ZBTB46: variants seen among roughly 807,000 people sequenced by gnomAD.
ZBTB46 encodes zinc finger and BTB domain-containing protein 46.
ZBTB46 carries 8 observed loss-of-function variants against 44.1 expected under a neutral mutation model. The observed-to-expected ratio is 0.18, with a 90% CI of 0.11 to 0.33. ZBTB46 has a LOEUF of 0.33. ZBTB46 is among the 10% of genes least tolerant of loss of function. The probability of loss-of-function intolerance (pLI) is 1.00; values close to 1 mark genes in which losing one functional copy is unlikely to be tolerated. For synonymous variants in ZBTB46, 409 were observed against 382.3 expected (o/e 1.07, Z -0.81); for missense variants, 651 against 847.7 (o/e 0.77, Z 2.88).
intron 3 of ZBTB46, among the ~76,000 whole-genome samples, chr20:63,765,157 G>A (rs916421636): frequency 3.9e-5 from 6 of 151,970 alleles, no homozygotes; most frequent in Admixed American, 3.9e-4. Context: ...CTTGGGGTGG[G>A]GGGCAGTTGT....
chr20:63,830,504 C>G (rs1322955387), intron 1 of ZBTB46, among the ~76,000 whole-genome samples: 3 of 150,342 alleles, frequency 2.0e-5, no homozygotes, highest in South Asian at 4.2e-4. Context: ...GCCCGGCGTC[C>G]GGGGAGACAA....
chr20:63,762,008 T>TA lies in ZBTB46; in HGVS notation c.1223-9148_1223-9147insT, dbSNP rs538366598. Among the ~76,000 whole-genome samples, 765 of 152,284 alleles carry TA rather than the reference T, an allele frequency of 5.0e-3. 5 individuals are homozygous for TA. Among genetic ancestry groups the TA allele is most frequent in the African/African-American group, 0.015 (606 of 41,544 alleles). ...GCCCTGGTTGGTCTATTTTGGTAAATGTTTCCTGTCCATTTGGAATATCCT... is the reference window on the plus strand; with the variant it reads ...GCCCTGGTTGGTCTATTTTGGTAAATAGTTTCCTGTCCATTTGGAATATCCT... On this transcript the variant is annotated intron_variant, in intron 3 of 4. Transcript: ENST00000245663.
intron 1 of ZBTB46, among the ~76,000 whole-genome samples, chr20:63,798,697 G>C (rs2092622125): frequency 9.4e-5 from 1 of 10,636 alleles, no homozygotes; most frequent in African/African-American, 3.5e-4. Context: ...AAAAAAATTA[G>C]CTGGGCATGG....
chr20:63,824,471 A>C (rs1035551409), intron 1 of ZBTB46, among the ~76,000 whole-genome samples: 1 of 152,120 alleles, frequency 6.6e-6, no homozygotes, highest in Non-Finnish European at 1.5e-5. Context: ...TTGAAAGCTA[A>C]TTTAGCAAAT....
At chr20:63,768,497 C>T (rs191803402) in intron 3 of ZBTB46, among the ~76,000 whole-genome samples, 8 of 152,222 alleles carry the variant, frequency 5.3e-5, no homozygotes, top group Non-Finnish European at 1.0e-4. Flanking sequence ...ATCCCAGCTA[C>T]TTGGGAGGCT....
At chr20:63,773,382 C>T (rs977309407) in intron 3 of ZBTB46, among the ~76,000 whole-genome samples, 1 of 152,090 alleles carries the variant, frequency 6.6e-6, no homozygotes, top group Non-Finnish European at 1.5e-5. Context: ...GCACAAGGCA[C>T]CATCATGCTG....
intron 2 of ZBTB46, among the ~76,000 whole-genome samples, chr20:63,781,697 CAGG>C (rs1299555172): frequency 1.3e-5 from 2 of 151,928 alleles, no homozygotes; most frequent in Non-Finnish European, 2.9e-5. Flanking sequence ...GAGGCTGAGG[CAGG>C]AGAATTGCTT....
chr20:63,807,034 G>A (rs767835010), intron 1 of ZBTB46, among the ~76,000 whole-genome samples: 4 of 151,978 alleles, frequency 2.6e-5, no homozygotes, highest in South Asian at 4.2e-4. Context: ...CACCTGCCTC[G>A]GCCTCCCAAA....
Position 63,787,034 on chromosome 20 carries a change from T to C in ZBTB46, c.937+2787A>G, listed in dbSNP as rs2092521797. ...ACAACAGATGAGAATGAATAAAATC[T>C]ACATTGTGTCAAAGTAGAACAGCAT... On this transcript the variant is annotated intron_variant, in intron 2 of 4. Coordinates refer to ENST00000245663, the MANE Select transcript of ZBTB46 (RefSeq NM_001369741.1). The surrounding 1 kb of genome is among the most constrained non-coding windows in gnomAD (Gnocchi z 4.6). Among the ~76,000 whole-genome samples, 1 of 152,148 alleles carries C rather than the reference T, an allele frequency of 6.6e-6. No individual in the cohort carries two copies.
intron 3 of ZBTB46, among the ~76,000 whole-genome samples, chr20:63,757,296 T>A (rs2092229253): frequency 1.3e-5 from 2 of 152,190 alleles, no homozygotes; most frequent in Non-Finnish European, 2.9e-5. Flanking sequence ...CTGATTTTTG[T>A]ATTTTCAGTA....
intron 1 of ZBTB46, among the ~76,000 whole-genome samples, chr20:63,820,031 G>GT (rs1423223140): frequency 2.0e-5 from 3 of 152,234 alleles, no homozygotes; most frequent in Non-Finnish European, 4.4e-5. Flanking sequence ...AACTCCCAGT[G>GT]TATGACGTTA....
chr20:63,762,235 C>G (rs531926477), intron 3 of ZBTB46, among the ~76,000 whole-genome samples: 22 of 152,284 alleles, frequency 1.4e-4, no homozygotes, highest in South Asian at 4.1e-4. Flanking sequence ...CAAATATTCT[C>G]TATCCTTACT....
At chr20:63,764,747 T>A (rs1601415915) in intron 3 of ZBTB46, among the ~76,000 whole-genome samples, 1 of 150,184 alleles carries the variant, frequency 6.7e-6, no homozygotes, top group Middle Eastern at 3.7e-3. Flanking sequence ...GGATTACAGG[T>A]GTGTGCCACC....
Position 63,822,569 on chromosome 20 carries a change from G to A in ZBTB46, c.-34+8528C>T, listed in dbSNP as rs188113952. Among the ~76,000 whole-genome samples the A allele has an allele frequency of 6.6e-3, 1,004 of 152,270 alleles. 8 individuals carry two copies. Among genetic ancestry groups the A allele is most frequent in the Middle Eastern group, 0.02 (6 of 294 alleles). On this transcript the variant is annotated intron_variant, in intron 1 of 4. Coordinates refer to ENST00000245663, the MANE Select transcript of ZBTB46 (RefSeq NM_001369741.1). ...AGCTTCCTCACCCTCCCACGCTTGG[G>A]TTTAAAGACATGTCCACAGGAAGAT... is the stretch of plus-strand genomic sequence containing the variant.
intron 2 of ZBTB46, among the ~76,000 whole-genome samples, chr20:63,784,313 C>T (rs2092494870): frequency 6.6e-6 from 1 of 152,208 alleles, no homozygotes; most frequent in Non-Finnish European, 1.5e-5. Context: ...ACTCCCCTCC[C>T]GGAGCAGACA....
chr20:63,819,258 A>G (rs2092777771), intron 1 of ZBTB46, among the ~76,000 whole-genome samples: 3 of 152,338 alleles, frequency 2.0e-5, no homozygotes, highest in South Asian at 4.1e-4. Flanking sequence ...TAGGTGAAGT[A>G]CAAAATGAGG....
intron 1 of ZBTB46, among the ~76,000 whole-genome samples, chr20:63,799,869 C>T (rs1202902443): frequency 1.3e-5 from 2 of 152,150 alleles, no homozygotes; most frequent in African/African-American, 4.8e-5. Flanking sequence ...GCTGAGGGCA[C>T]ATGGAACGGT....
At chr20:63,828,959 C>A (rs1410697853) in intron 1 of ZBTB46, among the ~76,000 whole-genome samples, 1 of 152,232 alleles carries the variant, frequency 6.6e-6, no homozygotes, top group Non-Finnish European at 1.5e-5. Flanking sequence ...GCCCAATTTC[C>A]CTTAATTTAA....
chr20:63,781,010 G>A (rs571996854), intron 2 of ZBTB46, among the ~76,000 whole-genome samples: 5 of 149,294 alleles, frequency 3.3e-5, no homozygotes, highest in East Asian at 3.9e-4. Flanking sequence ...GCGCGGTGGC[G>A]GGTGCCTGTA....
Sources: allele counts gnomAD v4.1 joint callset (sites outside exome capture counted in the v4.1 genomes callset), GRCh38; gene constraint gnomAD v4.1.1; non-coding constraint Gnocchi (gnomAD v3.1); transcripts MANE v1.5; gene names NCBI Gene and HGNC (gene_info 2026-07-23, HGNC 2026-07-21).